The following ASTN2 variants were observed in gnomAD, a reference collection of about 807,000 sequenced individuals.
ASTN2 encodes astrotactin-2.
A neutral mutation model predicts 139.8 loss-of-function variants in ASTN2; 54 were observed. The ratio of observed to expected loss-of-function variants is 0.39; its 90% confidence interval spans 0.31 to 0.48. ASTN2 has a LOEUF of 0.48. ASTN2 is among the 20% of genes least tolerant of loss of function. The pLI is 0.95. For synonymous variants in ASTN2, 756 were observed against 719.5 expected, an observed-to-expected ratio of 1.05 and a Z score of -0.81; for missense variants, 1,565 against 1,725.1, an observed-to-expected ratio of 0.91 and a Z score of 1.64.
intron 5 of ASTN2, among the ~76,000 whole-genome samples, chr9:117,046,910 A>AT (rs112866522): frequency 2.6e-5 from 4 of 152,154 alleles, no homozygotes; most frequent in African/African-American, 9.6e-5. Context: ...TGCTATTGGT[A>AT]TTTTTTTCTA....
intron 19 of ASTN2, among the ~76,000 whole-genome samples, chr9:116,572,738 T>C (rs1038143995): frequency 5.9e-5 from 9 of 152,178 alleles, no homozygotes; most frequent in African/African-American, 1.7e-4. Flanking sequence ...CGCTTTCCCT[T>C]GGGAATAATT....
At chr9:117,342,784 C>A (rs1829100689) in intron 1 of ASTN2, among the ~76,000 whole-genome samples, 1 of 152,146 alleles carries the variant, frequency 6.6e-6, no homozygotes, top group Admixed American at 6.5e-5. Flanking sequence ...AATGGGTTAA[C>A]AAATAACAAT....
chr9:116,440,887 A>C (rs1325594920), intron 21 of ASTN2, 95 bp from the exon 22 acceptor site: 1 of 1,291,418 alleles, frequency 7.7e-7, no homozygotes, highest in Non-Finnish European at 1.1e-6. Flanking sequence ...AGTGGTGAGA[A>C]AGTTTGCTTG....
At chr9:116,725,171 G>C (rs1020336439) in intron 16 of ASTN2, among the ~76,000 whole-genome samples, 1 of 152,138 alleles carries the variant, frequency 6.6e-6, no homozygotes, top group African/African-American at 2.4e-5. Flanking sequence ...ACCTTCACAA[G>C]GTGAGTGGGC....
At chr9:116,735,727 T>C (rs1197781172) in intron 13 of ASTN2, among the ~76,000 whole-genome samples, 3 of 152,210 alleles carry the variant, frequency 2.0e-5, no homozygotes, top group Non-Finnish European at 4.4e-5. Flanking sequence ...AGCACTTGTT[T>C]TCACTCTGGG....
intron 3 of ASTN2, among the ~76,000 whole-genome samples, chr9:117,184,555 T>C (rs1322024224): frequency 6.6e-6 from 1 of 152,164 alleles, no homozygotes; most frequent in Admixed American, 6.5e-5. Context: ...CATCTCAGAA[T>C]GACAGTGACT....
At chr9:116,788,486 T>A (rs995338214) in intron 13 of ASTN2, among the ~76,000 whole-genome samples, 1 of 152,082 alleles carries the variant, frequency 6.6e-6, no homozygotes, top group Non-Finnish European at 1.5e-5. Context: ...AATAACCCTA[T>A]CTGAGTGGAA....
At chr9:116,831,640 A>G (rs1414771279) in intron 11 of ASTN2, among the ~76,000 whole-genome samples, 1 of 152,190 alleles carries the variant, frequency 6.6e-6, no homozygotes, top group African/African-American at 2.4e-5. Context: ...ATAATATGAT[A>G]AAAAGTTAAC....
intron 11 of ASTN2, among the ~76,000 whole-genome samples, chr9:116,836,502 C>T (rs1831996711): frequency 6.6e-6 from 1 of 152,080 alleles, no homozygotes; most frequent in African/African-American, 2.4e-5. Flanking sequence ...TGGAGTAGAG[C>T]ACTTATTGTC....
chr9:117,355,805 G>C (rs1829524198), intron 1 of ASTN2, among the ~76,000 whole-genome samples: 1 of 152,178 alleles, frequency 6.6e-6, no homozygotes, highest in South Asian at 2.1e-4. Flanking sequence ...GCAGAGGCCG[G>C]CTTGCAGCTG....
intron 1 of ASTN2, among the ~76,000 whole-genome samples, chr9:117,329,933 A>G (rs868402464): frequency 3.5e-4 from 53 of 152,190 alleles, no homozygotes; most frequent in African/African-American, 1.2e-3. Context: ...AAACTGCCCC[A>G]TGAAATGGGA....
intron 7 of ASTN2, among the ~76,000 whole-genome samples, chr9:117,006,461 G>A (rs1196776946): frequency 6.6e-6 from 1 of 152,040 alleles, no homozygotes; most frequent in African/African-American, 2.4e-5. Flanking sequence ...TCTGTTGAGG[G>A]TATACTCTTA....
At chr9:116,988,215 A>T (rs1271572480) in intron 7 of ASTN2, among the ~76,000 whole-genome samples, 1 of 152,222 alleles carries the variant, frequency 6.6e-6, no homozygotes, top group Non-Finnish European at 1.5e-5. Flanking sequence ...GAATGGAATT[A>T]GAGATATGCA....
intron 13 of ASTN2, among the ~76,000 whole-genome samples, chr9:116,784,929 CAAAAAAAAA>C (rs58241855): frequency 9.4e-4 from 98 of 104,144 alleles, no homozygotes; most frequent in African/African-American, 3.4e-3. Flanking sequence ...AACTCCGCCT[CAAAAAAAAA>C]AAAAAAAAAA....
chr9:117,111,683 C>A (rs75361891), intron 4 of ASTN2, among the ~76,000 whole-genome samples: 2,768 of 152,062 alleles, frequency 0.018, 51 homozygotes, highest in Non-Finnish European at 0.028. Context: ...TATAAATTAT[C>A]AAATTCGCAA....
intron 11 of ASTN2, among the ~76,000 whole-genome samples, chr9:116,831,051 A>C (rs1831799366): frequency 6.6e-6 from 1 of 152,002 alleles, no homozygotes; most frequent in Non-Finnish European, 1.5e-5. Flanking sequence ...AGCAACATGG[A>C]TAGAACTGGA....
At chr9:117,334,657 C>A (rs1828821169) in intron 1 of ASTN2, among the ~76,000 whole-genome samples, 1 of 152,106 alleles carries the variant, frequency 6.6e-6, no homozygotes, top group South Asian at 2.1e-4. Flanking sequence ...ACTCCCTCTT[C>A]TTGGAATGCG....
At chr9:117,346,285 T>C (rs1274877634) in intron 1 of ASTN2, among the ~76,000 whole-genome samples, 6 of 152,178 alleles carry the variant, frequency 3.9e-5, no homozygotes, top group African/African-American at 1.4e-4. Context: ...ATAACCAACG[T>C]AGAGTTTACT....
chr9:117,399,210 A>G (rs1341851404), intron 1 of ASTN2, among the ~76,000 whole-genome samples: 1 of 152,210 alleles, frequency 6.6e-6, no homozygotes, highest in African/African-American at 2.4e-5. Context: ...GCCGACATGC[A>G]ATCAACAATA....
Sources: allele counts gnomAD v4.1 joint callset (sites outside exome capture counted in the v4.1 genomes callset), GRCh38; gene constraint gnomAD v4.1.1; transcripts MANE v1.5; gene names NCBI Gene and HGNC (gene_info 2026-07-23, HGNC 2026-07-21).